Variants in CTNNA3 observed in about 807,000 individuals in gnomAD.
The protein encoded by CTNNA3 is catenin alpha-3.
A neutral mutation model predicts 95.7 loss-of-function variants in CTNNA3; 76 were observed. The observed-to-expected ratio is 0.79, with a 90% CI of 0.66 to 0.96. The LOEUF is 0.96. Among genes scored for constraint, CTNNA3 ranks in the 40% least tolerant of loss-of-function variants. CTNNA3 has a pLI of 0.00. For missense variants in CTNNA3, 1,191 were observed against 1,089.8 expected, an observed-to-expected ratio of 1.09 and a Z score of -1.31; for synonymous variants, 431 against 374.4, an observed-to-expected ratio of 1.15 and a Z score of -1.74.
At chr10:66,564,158 A>G (rs1256875295) in intron 10 of CTNNA3, among the ~76,000 whole-genome samples, 2 of 152,144 alleles carry the variant, frequency 1.3e-5, no homozygotes, top group Non-Finnish European at 2.9e-5. Flanking sequence ...AATAATCGAT[A>G]CAGTTTTATG....
At chr10:67,156,853 C>T (rs997509670) in intron 7 of CTNNA3, among the ~76,000 whole-genome samples, 2 of 151,870 alleles carry the variant, frequency 1.3e-5, no homozygotes, top group Non-Finnish European at 2.9e-5. Flanking sequence ...GATATTTTGT[C>T]TGTATGTTCT....
intron 11 of CTNNA3, among the ~76,000 whole-genome samples, chr10:66,433,210 T>G (rs2093311352): frequency 6.6e-6 from 1 of 152,216 alleles, no homozygotes; most frequent in African/African-American, 2.4e-5. Flanking sequence ...TTTAGATCCC[T>G]GAGGAATTGC....
At chr10:66,704,044 T>A (rs1848038485) in intron 9 of CTNNA3, among the ~76,000 whole-genome samples, 1 of 152,186 alleles carries the variant, frequency 6.6e-6, no homozygotes, top group Admixed American at 6.5e-5. Flanking sequence ...GATCTTTGCT[T>A]GTCTCCCGAT....
chr10:67,312,719 G>C (rs973973803), intron 5 of CTNNA3, among the ~76,000 whole-genome samples: 3 of 152,180 alleles, frequency 2.0e-5, no homozygotes, highest in Non-Finnish European at 2.9e-5. Context: ...CAATTTTCTA[G>C]GATGTACTGG....
At chr10:67,251,029 A>G (rs1021547399) in intron 5 of CTNNA3, among the ~76,000 whole-genome samples, 1 of 152,252 alleles carries the variant, frequency 6.6e-6, no homozygotes, top group Non-Finnish European at 1.5e-5. Flanking sequence ...AAACTTGTAC[A>G]TGAATGTTTA....
At chr10:66,596,172 G>C (rs1375968944) in intron 10 of CTNNA3, among the ~76,000 whole-genome samples, 1 of 151,908 alleles carries the variant, frequency 6.6e-6, no homozygotes, top group African/African-American at 2.4e-5. Context: ...AAGGGGGTAG[G>C]GGCCGTGGCA....
chr10:66,678,272 C>A (rs1273442690), intron 9 of CTNNA3, among the ~76,000 whole-genome samples: 1 of 152,158 alleles, frequency 6.6e-6, no homozygotes, highest in Admixed American at 6.5e-5. Flanking sequence ...TGCTTTTGTG[C>A]TCTCATAATT....
chr10:67,248,201 A>G (rs1410146309), intron 5 of CTNNA3, among the ~76,000 whole-genome samples: 1 of 152,050 alleles, frequency 6.6e-6, no homozygotes, highest in African/African-American at 2.4e-5. Flanking sequence ...ACGTGCCTGT[A>G]GTCCTAACTA....
chr10:66,075,317 C>G (rs990909443), intron 14 of CTNNA3, among the ~76,000 whole-genome samples: 10 of 151,714 alleles, frequency 6.6e-5, no homozygotes, highest in African/African-American at 2.4e-4. Context: ...AAATTGTTGT[C>G]ATACAGACCA....
chr10:66,487,505 C>G (rs1030777659), intron 11 of CTNNA3, among the ~76,000 whole-genome samples: 1 of 151,916 alleles, frequency 6.6e-6, no homozygotes, highest in African/African-American at 2.4e-5. Flanking sequence ...AGATTACAGG[C>G]GCGGAGCCAC....
intron 5 of CTNNA3, among the ~76,000 whole-genome samples, chr10:67,490,691 C>A (rs1848614708): frequency 6.6e-6 from 1 of 152,078 alleles, no homozygotes; most frequent in Non-Finnish European, 1.5e-5. Flanking sequence ...AAATTCTACT[C>A]TCATTGCAAA....
chr10:66,389,314 A>C (rs2092917798), intron 11 of CTNNA3, among the ~76,000 whole-genome samples: 1 of 152,180 alleles, frequency 6.6e-6, no homozygotes, highest in African/African-American at 2.4e-5. Context: ...AAGCACATTT[A>C]GAATATTATG....
chr10:66,109,589 G>C (rs1352534848), intron 13 of CTNNA3, among the ~76,000 whole-genome samples: 1 of 152,160 alleles, frequency 6.6e-6, no homozygotes, highest in East Asian at 1.9e-4. Flanking sequence ...AGGAGTAAGG[G>C]AAGGCCCAAG....
chr10:66,502,193 G>A (rs2131966944), intron 11 of CTNNA3, among the ~76,000 whole-genome samples: 1 of 152,128 alleles, frequency 6.6e-6, no homozygotes, highest in South Asian at 2.1e-4. Flanking sequence ...TTTTTAAACT[G>A]TATTACTGAG....
chr10:65,964,194 C>T (rs554544853), intron 17 of CTNNA3, among the ~76,000 whole-genome samples: 2 of 152,100 alleles, frequency 1.3e-5, no homozygotes, highest in Non-Finnish European at 2.9e-5. Flanking sequence ...AGGAACAAGA[C>T]AAGAACTCAG....
rs1274109672 is a variant in CTNNA3, at chr10:67,566,043, G to GTGTGTATATA, written c.293-26375_293-26374insTATATACACA. 2.6e-4 allele frequency among the ~76,000 whole-genome samples: 7 copies of GTGTGTATATA among 26,966 alleles called. 1 individual carries two copies. The highest frequency in any genetic ancestry group is 1.2e-3 in the African/African-American group (7 of 6,054). The allele number at this position is 26,966 out of a possible 152,430, so 17.7% of individuals were successfully genotyped here. A position where few individuals can be genotyped will look rare whatever the true frequency, so the allele number is the denominator to read the frequency against. On this transcript the variant is annotated intron_variant, in intron 3 of 17. Transcript: ENST00000433211. Reference sequence around the variant, plus strand: ...CACACACACACACATATGTGTGTGTGTATATATATATATATATATATATAT... The same window carrying GTGTGTATATA: ...CACACACACACACATATGTGTGTGTGTGTGTATATATATATATATATATATATATATATAT...
At chr10:66,105,371 A>G (rs533218005) in intron 13 of CTNNA3, among the ~76,000 whole-genome samples, 1 of 152,338 alleles carries the variant, frequency 6.6e-6, no homozygotes, top group African/African-American at 2.4e-5. Context: ...GCCCTATAAC[A>G]TTTGAACAAA....
At chr10:66,477,387 T>C in intron 11 of CTNNA3, among the ~76,000 whole-genome samples, 1 of 152,168 alleles carries the variant, frequency 6.6e-6, no homozygotes. Context: ...ACAGAAGGGG[T>C]TGTTTTTGAC....
chr10:67,389,725 C>T (rs937362620), intron 5 of CTNNA3, among the ~76,000 whole-genome samples: 1 of 150,586 alleles, frequency 6.6e-6, no homozygotes, highest in Non-Finnish European at 1.5e-5. Flanking sequence ...GACCACAGTG[C>T]AATCAAACTA....
Sources: allele counts gnomAD v4.1 joint callset (sites outside exome capture counted in the v4.1 genomes callset), GRCh38; gene constraint gnomAD v4.1.1; transcripts MANE v1.5; gene names NCBI Gene and HGNC (gene_info 2026-07-23, HGNC 2026-07-21).